USP29: variants seen among roughly 807,000 people sequenced by gnomAD.
The protein encoded by USP29 is ubiquitin specific peptidase 29.
For synonymous variants in USP29, 386 were observed against 387.4 expected (o/e 1.00, Z 0.04); for missense variants, 1,102 against 1,069.0 (o/e 1.03, Z -0.43).
chr19:57,128,665 A>G lies in USP29; in HGVS notation c.-11A>G. ...TGTGTGCTTTTCTTCTTTAGGTTAC[A>G]TAAAGAAAGGATGATATCTCTAAAG... On this transcript the variant is annotated 5_prime_UTR_variant, in exon 4 of 4. Coordinates refer to ENST00000254181, the MANE Select transcript of USP29 (RefSeq NM_020903.3). 1 of 1,545,032 alleles carries G rather than the reference A, an allele frequency of 6.5e-7. No individual in the cohort carries two copies. The highest frequency in any genetic ancestry group is 8.7e-7 in the Non-Finnish European group (1 of 1,151,758).
chr19:57,121,466 C>T (rs34946355), intron 1 of USP29, among the ~76,000 whole-genome samples: 69,653 of 122,130 alleles, frequency 0.57, 21,138 homozygotes, highest in East Asian at 0.92. Context: ...TATACTTATA[C>T]ATGTTATACA....
rs924980489 is a variant in USP29 at position 57,120,124 on chromosome 19, A to C, written c.-373A>C. ...GACTCCGGTTACGTAAAAACATTCA[A>C]ACAGAAAATGCTGGCCAGGCTCATG... On this transcript the variant is annotated 5_prime_UTR_variant, in exon 1 of 4. Transcript: ENST00000254181. 6.6e-5 allele frequency: 10 copies of C among 152,310 alleles called. No individual in the cohort carries two copies. The highest frequency in any genetic ancestry group is 2.2e-4 in the African/African-American group (9 of 41,458). 9.4% of individuals were successfully genotyped at this position (152,310 alleles called of 1,614,324 possible).
Position 57,130,710 on chromosome 19 carries a change from G to A in USP29, c.2035G>A (p.Glu679Lys), listed in dbSNP as rs143453181. ...LISSPDTRLV[E>K]VHLQEVPQHP... ...CAGCAGCCCAGACACAAGGCTTGTC[G>A]AGGTTCATCTTCAAGAGGTGCCTCA... Residue 679 changes from glutamate to lysine, a missense_variant, in exon 4 of 4, where the codon GAG (glutamate) becomes AAG (lysine). By Grantham distance (56) the Glu-to-Lys change is moderately conservative. Transcript: ENST00000254181. 1.6e-5 allele frequency: 26 copies of A among 1,614,048 alleles called. No individual in the cohort carries two copies. The African/African-American group carries it at 2.1e-4, about 13-fold the overall frequency.
chr19:57,121,759 G>A (rs778794837), intron 1 of USP29, among the ~76,000 whole-genome samples: 65 of 148,250 alleles, frequency 4.4e-4, no homozygotes, highest in South Asian at 6.3e-4. Flanking sequence ...CAAAAAGCAC[G>A]GTTACTACAA....
chr19:57,127,022 G>T (rs2086827554), intron 3 of USP29, among the ~76,000 whole-genome samples: 1 of 152,160 alleles, frequency 6.6e-6, no homozygotes, highest in African/African-American at 2.4e-5. Context: ...CTCTTCTGCA[G>T]GTCTGCTGCA....
rs2086838782 is a variant in USP29, at chr19:57,129,026, G to A, written c.351G>A (p.Trp117Ter). The A allele has an allele frequency of 6.2e-7, 1 of 1,613,938 alleles. No homozygotes were observed. The highest frequency in any genetic ancestry group is 8.5e-7 in the Non-Finnish European group (1 of 1,180,006). The change falls in exon 4 of 4, where the codon TGG becomes TGA. Residue 117 changes from tryptophan (W) to a stop codon, truncating the protein, a stop_gained. Transcript: ENST00000254181. LOFTEE classifies it low-confidence loss of function (END_TRUNC). ...SQQPMKSDDD[W>*]SVFESRNMLK... ...AACCCATGAAATCTGATGATGATTG[G>A]AGTGTGTTTGAAAGCAGGAATATGC...
At chr19:57,126,623 C>T (rs202211119) in intron 3 of USP29, among the ~76,000 whole-genome samples, 1 of 151,878 alleles carries the variant, frequency 6.6e-6, no homozygotes, top group Non-Finnish European at 1.5e-5. Flanking sequence ...CATTTATGTT[C>T]CTCTCTAAAC....
At chr19:57,123,080 G>C (rs1368493994) in intron 2 of USP29, among the ~76,000 whole-genome samples, 2 of 152,104 alleles carry the variant, frequency 1.3e-5, no homozygotes, top group African/African-American at 2.4e-5. Context: ...AAGAAATGTG[G>C]GCACCCATCA....
At position 57,129,081 on chromosome 19, in the gene USP29, A is replaced by G. The variant is rs749626325; in HGVS notation, c.406A>G (p.Ser136Gly). The G allele has an allele frequency of 1.3e-5, 21 of 1,612,412 alleles. No homozygotes were observed. The highest frequency in any genetic ancestry group is 1.8e-5 in the Non-Finnish European group (21 of 1,179,082). ...LKEIDKTSFYSICNKPSYQKM... is the reference protein window; with the variant it reads ...LKEIDKTSFYGICNKPSYQKM... Reference sequence around the variant, plus strand: ...GGAAATTGACAAAACTTCATTTTACAGCATTTGTAACAAGCCAAGTTATCA... The same window carrying G: ...GGAAATTGACAAAACTTCATTTTACGGCATTTGTAACAAGCCAAGTTATCA... The change falls in exon 4 of 4, where the codon AGC becomes GGC. Residue 136 changes from serine (S) to glycine (G), a missense_variant. Transcript: ENST00000254181.
chr19:57,122,070 T>G (rs898752417), intron 1 of USP29, among the ~76,000 whole-genome samples: 2 of 152,186 alleles, frequency 1.3e-5, no homozygotes, highest in African/African-American at 4.8e-5. Context: ...TATAAGTTAT[T>G]TCTACTAATC....
rs1011633218 is a variant in USP29 at position 57,130,635 on chromosome 19, C to T, written c.1960C>T (p.Gln654Ter). The change falls in exon 4 of 4, where the codon CAG becomes TAG. Residue 654 changes from glutamine (Q) to a stop codon, truncating the protein, a stop_gained. Transcript: ENST00000254181. LOFTEE classifies it low-confidence loss of function (END_TRUNC). ...TCCAGTGGCTGACTCACTGATGGAC[C>T]AGGGAGACATTTCTCTTCCTGTGAT... ...ELPVADSLMD[Q>*]GDISLPVMYE... 1 of 1,614,066 alleles carries T rather than the reference C, an allele frequency of 6.2e-7. No homozygotes were observed. The highest frequency in any genetic ancestry group is 2.2e-5 in the East Asian group (1 of 44,876).
chr19:57,130,475 T>C lies in USP29; in HGVS notation c.1800T>C (p.Asn600=). ...SLVLPVEPDK[N]ADLQRFQRDC... is the part of the protein sequence containing the mutation. ...TTCTACCCGTTGAACCAGACAAGAA[T>C]GCCGACCTACAAAGATTCCAGAGAG... Residue 600 remains asparagine, a synonymous_variant, in exon 4 of 4, where the codon AAT becomes AAC. Coordinates refer to ENST00000254181, the MANE Select transcript of USP29 (RefSeq NM_020903.3). 4 of 1,614,160 alleles carry C rather than the reference T, an allele frequency of 2.5e-6. No homozygotes were observed. The South Asian group carries it at 4.4e-5, about 18-fold the overall frequency.
At position 57,130,219 on chromosome 19, in the gene USP29, G is replaced by A. The variant is rs1048925262; in HGVS notation, c.1544G>A (p.Ser515Asn). ...RVLIIHLKRY[S>N]FNNAWLLVKN... ...CTTATCATTCATCTGAAACGCTATAGCTTCAACAATGCTTGGTTGCTGGTG... is the reference window on the plus strand; with the variant it reads ...CTTATCATTCATCTGAAACGCTATAACTTCAACAATGCTTGGTTGCTGGTG... Residue 515 changes from serine to asparagine, a missense_variant, in exon 4 of 4, where the codon AGC becomes AAC. By Grantham distance (46) the Ser-to-Asn change is conservative. Transcript: ENST00000254181. 2 of 1,613,986 alleles carry A rather than the reference G, an allele frequency of 1.2e-6. No individual in the cohort carries two copies. The highest frequency in any genetic ancestry group is 2.7e-5 in the African/African-American group (2 of 74,924).
chr19:57,120,788 C>CA (rs71293954), intron 1 of USP29, among the ~76,000 whole-genome samples: 2,099 of 30,976 alleles, frequency 0.068, 288 homozygotes, highest in South Asian at 0.095. Flanking sequence ...GACTCCGTCT[C>CA]AAAAAAAAAA....
chr19:57,130,799 C>T lies in USP29; in HGVS notation c.2124C>T (p.Val708=). The T allele has an allele frequency of 1.2e-6, 2 of 1,614,166 alleles. No individual in the cohort carries two copies. Among genetic ancestry groups the T allele is most frequent in the Non-Finnish European group, 1.7e-6 (2 of 1,180,040 alleles). The change falls in exon 4 of 4, where the codon GTC becomes GTT. Residue 708 remains valine, a synonymous_variant. Coordinates refer to ENST00000254181, the MANE Select transcript of USP29 (RefSeq NM_020903.3). ...NTFVEFNFDS[V]TESTNGFYDC... Reference sequence around the variant, plus strand: ...TCGTAGAGTTCAATTTTGACAGTGTCACTGAGTCCACCAATGGCTTTTATG... The same window carrying T: ...TCGTAGAGTTCAATTTTGACAGTGTTACTGAGTCCACCAATGGCTTTTATG...
chr19:57,124,805 A>G (rs1406001783), intron 3 of USP29, among the ~76,000 whole-genome samples: 1 of 152,094 alleles, frequency 6.6e-6, no homozygotes, highest in Non-Finnish European at 1.5e-5. Flanking sequence ...CACCGTGCCC[A>G]GACAGAACTT....
At chr19:57,127,929 C>G (rs1254710482) in intron 3 of USP29, among the ~76,000 whole-genome samples, 1 of 152,196 alleles carries the variant, frequency 6.6e-6, no homozygotes, top group Non-Finnish European at 1.5e-5. Context: ...ACAAGGGAAT[C>G]TCCTGATCTG....
At position 57,128,654 on chromosome 19, in the gene USP29, C is replaced by T. The variant is rs2086835742; in HGVS notation, c.-16-6C>T. On this transcript the variant is annotated splice_polypyrimidine_tract_variant and splice_region_variant and intron_variant, in intron 3 of 3. Coordinates refer to ENST00000254181, the MANE Select transcript of USP29 (RefSeq NM_020903.3). The stretch of plus-strand genomic sequence containing the variant: ...GTTAAAATGCATGTGTGCTTTTCTT[C>T]TTTAGGTTACATAAAGAAAGGATGA... 1 of 1,533,020 alleles carries T rather than the reference C, an allele frequency of 6.5e-7. No individual in the cohort carries two copies. The highest frequency in any genetic ancestry group is 8.7e-7 in the Non-Finnish European group (1 of 1,145,636). The allele number at this position is 1,533,020 out of a possible 1,614,324, so 95.0% of individuals were successfully genotyped here.
chr19:57,128,867 T>C lies in USP29; in HGVS notation c.192T>C (p.His64=), dbSNP rs775720073. 4.3e-6 allele frequency: 7 copies of C among 1,612,966 alleles called. No homozygotes were observed. The highest frequency in any genetic ancestry group is 3.3e-5 in the South Asian group (3 of 90,710). Residue 64 remains histidine (H), a synonymous_variant, in exon 4 of 4, where the codon CAT becomes CAC. Coordinates refer to ENST00000254181, the MANE Select transcript of USP29 (RefSeq NM_020903.3). ...SNNIRSVVLR[H]CKKRQSHLRL... ...ACATTAGAAGTGTGGTCCTTAGACA[T>C]TGTAAAAAAAGACAAAGTCACCTGC...
Sources: allele counts gnomAD v4.1 joint callset (sites outside exome capture counted in the v4.1 genomes callset), GRCh38; gene constraint gnomAD v4.1.1; transcripts MANE v1.5; gene names NCBI Gene and HGNC (gene_info 2026-07-23, HGNC 2026-07-21).